The following MRPL48 variants were observed in gnomAD, a reference collection of about 807,000 sequenced individuals.
MRPL48 encodes the protein large ribosomal subunit protein mL48.
In MRPL48, 16 loss-of-function variants were observed where a neutral mutation model predicts 32.9. That is an observed-to-expected ratio of 0.49 (90% CI 0.33 to 0.74). The LOEUF (loss-of-function observed/expected upper bound fraction) is 0.74. MRPL48 is among the 30% of genes least tolerant of loss of function. The pLI is 0.02. For missense variants in MRPL48, 206 were observed against 245.3 expected (o/e 0.84, Z 1.07); for synonymous variants, 94 against 89.2 (o/e 1.05, Z -0.31).
At chr11:73,844,740 C>T in intron 4 of MRPL48, 67 bp from the exon 5 acceptor site, 3 of 1,480,956 alleles carry the variant, frequency 2.0e-6, no homozygotes, top group Non-Finnish European at 2.7e-6. Flanking sequence ...TTTAAAATAT[C>T]AAGATAGTAT....
chr11:73,836,004 G>A (rs1248206695), intron 4 of MRPL48, among the ~76,000 whole-genome samples: 4 of 152,064 alleles, frequency 2.6e-5, no homozygotes, highest in Non-Finnish European at 5.9e-5. Flanking sequence ...CGCGATCTTG[G>A]CTCACTGCAA....
At chr11:73,790,375 T>A (rs1947128504) in intron 1 of MRPL48, among the ~76,000 whole-genome samples, 1 of 44,876 alleles carries the variant, frequency 2.2e-5, no homozygotes, top group Non-Finnish European at 3.9e-5. Context: ...GCACCCGGCC[T>A]TTTTTTTTTT....
intron 5 of MRPL48, among the ~76,000 whole-genome samples, chr11:73,851,450 T>C (rs1473808606): frequency 1.3e-5 from 2 of 152,212 alleles, no homozygotes; most frequent in Non-Finnish European, 2.9e-5. Flanking sequence ...AGATGTTCTT[T>C]AGGAGATTTG....
At chr11:73,803,424 C>G (rs1947392412) in intron 1 of MRPL48, among the ~76,000 whole-genome samples, 1 of 151,464 alleles carries the variant, frequency 6.6e-6, no homozygotes, top group Admixed American at 6.6e-5. Flanking sequence ...AGCCCCCACA[C>G]CTGGCCTAGA....
At chr11:73,840,139 A>G (rs1244799050) in intron 4 of MRPL48, among the ~76,000 whole-genome samples, 1 of 151,984 alleles carries the variant, frequency 6.6e-6, no homozygotes, top group East Asian at 1.9e-4. Flanking sequence ...GACAAGTTAA[A>G]TGAAAAAGAG....
chr11:73,822,604 G>A (rs1947803010), intron 3 of MRPL48, among the ~76,000 whole-genome samples: 1 of 152,218 alleles, frequency 6.6e-6, no homozygotes, highest in Non-Finnish European at 1.5e-5. Flanking sequence ...TCTGAAGCCA[G>A]TACTATCTCT....
intron 1 of MRPL48, among the ~76,000 whole-genome samples, chr11:73,795,334 A>G (rs571383400): frequency 3.2e-4 from 49 of 151,554 alleles, no homozygotes; most frequent in South Asian, 1.0e-3. Flanking sequence ...AAGTGCTGGG[A>G]TTACAGGCGT....
intron 4 of MRPL48, among the ~76,000 whole-genome samples, chr11:73,836,304 C>T (rs1948101604): frequency 6.6e-6 from 1 of 151,910 alleles, no homozygotes; most frequent in African/African-American, 2.4e-5. Flanking sequence ...AAGCGATTCT[C>T]CCTGCCTCAG....
intron 4 of MRPL48, among the ~76,000 whole-genome samples, chr11:73,829,762 ATTGTTTTTGTTT>A (rs945905180): frequency 1.3e-5 from 2 of 151,080 alleles, no homozygotes; most frequent in Non-Finnish European, 1.5e-5. Flanking sequence ...GAGTGTTTTT[ATTGTTTTTGTTT>A]TTGTTTTTGA....
chr11:73,858,168 T>A (rs957725673), intron 5 of MRPL48, among the ~76,000 whole-genome samples: 2 of 152,248 alleles, frequency 1.3e-5, no homozygotes, highest in African/African-American at 4.8e-5. Flanking sequence ...CCCATTTTTT[T>A]ATGTTGGAAA....
rs1429383040 is a variant in MRPL48 at position 73,865,093 on chromosome 11, A to G, written c.*723A>G. On this transcript the variant is annotated 3_prime_UTR_variant, in exon 8 of 8. Coordinates refer to ENST00000310614, the MANE Select transcript of MRPL48 (RefSeq NM_016055.6). ...GGTGTGAGCCACTGCACCCAGCCAA[A>G]CTTTTTATTTTAATTAGCTGGACGT... 2 of 152,158 alleles carry G rather than the reference A, an allele frequency of 1.3e-5. No homozygotes were observed. The highest frequency in any genetic ancestry group is 2.9e-5 in the Non-Finnish European group (2 of 68,154). 9.4% of individuals were successfully genotyped at this position (152,158 alleles called of 1,614,324 possible).
At chr11:73,837,258 G>A (rs1206141036) in intron 4 of MRPL48, among the ~76,000 whole-genome samples, 1 of 152,192 alleles carries the variant, frequency 6.6e-6, no homozygotes, top group Admixed American at 6.5e-5. Context: ...AAAGGAGAGA[G>A]CCTGGGCTTG....
chr11:73,844,195 C>T (rs565606617), intron 4 of MRPL48, among the ~76,000 whole-genome samples: 13 of 152,012 alleles, frequency 8.6e-5, no homozygotes, highest in South Asian at 8.3e-4. Context: ...TTTGGGAGGC[C>T]GAGGCGGGTG....
At chr11:73,848,242 C>G (rs942061075) in intron 5 of MRPL48, among the ~76,000 whole-genome samples, 1 of 151,768 alleles carries the variant, frequency 6.6e-6, no homozygotes, top group Non-Finnish European at 1.5e-5. Context: ...TTTTCTTTCT[C>G]CACTGAATTA....
intron 3 of MRPL48, among the ~76,000 whole-genome samples, chr11:73,812,468 A>T (rs867222009): frequency 6.6e-6 from 1 of 152,014 alleles, no homozygotes; most frequent in Non-Finnish European, 1.5e-5. Context: ...TTTGATAAGT[A>T]TTGCCAGACT....
At chr11:73,797,708 G>C (rs1483375354) in intron 1 of MRPL48, among the ~76,000 whole-genome samples, 2 of 152,246 alleles carry the variant, frequency 1.3e-5, no homozygotes, top group Non-Finnish European at 2.9e-5. Context: ...GCCTATGCCT[G>C]ACTTGCCCTT....
intron 3 of MRPL48, among the ~76,000 whole-genome samples, chr11:73,816,053 A>ATT: frequency 6.7e-6 from 1 of 149,464 alleles, no homozygotes; most frequent in African/African-American, 2.5e-5. Flanking sequence ...TTTTTATTTT[A>ATT]TTTTATATTT....
chr11:73,815,754 C>T lies in MRPL48; in HGVS notation c.112+7404C>T, dbSNP rs185742108. ...GGCCTCCCAAAGTGCTGGGACCGCT[C>T]GCTCTGTCACCCAGGCTGGAGTGTA... On this transcript the variant is annotated intron_variant, in intron 3 of 7. Coordinates refer to ENST00000310614, the MANE Select transcript of MRPL48 (RefSeq NM_016055.6). Among the ~76,000 whole-genome samples the T allele has an allele frequency of 3.8e-4, 57 of 151,434 alleles. 1 individual carries two copies. The highest frequency in any genetic ancestry group is 5.8e-4 in the Non-Finnish European group (39 of 67,736).
intron 1 of MRPL48, among the ~76,000 whole-genome samples, chr11:73,792,060 A>C (rs1435313443): frequency 6.6e-6 from 1 of 152,128 alleles, no homozygotes; most frequent in Admixed American, 6.6e-5. Context: ...GCCTAACTTC[A>C]TCTCAAATTT....
Sources: allele counts gnomAD v4.1 joint callset (sites outside exome capture counted in the v4.1 genomes callset), GRCh38; gene constraint gnomAD v4.1.1; transcripts MANE v1.5; gene names NCBI Gene and HGNC (gene_info 2026-07-23, HGNC 2026-07-21).